Variants in DPP10 observed in about 807,000 individuals in gnomAD.
DPP10 encodes the protein dipeptidyl peptidase like 10.
Under a neutral mutation model 120.9 loss-of-function variants are expected in DPP10, and 33 were observed. The ratio of observed to expected loss-of-function variants is 0.27; its 90% CI spans 0.21 to 0.37. DPP10 has a LOEUF of 0.37. Among genes scored for constraint, DPP10 ranks in the 10% least tolerant of loss-of-function variants. The pLI, the probability that DPP10 is intolerant of heterozygous loss-of-function variation, is 1.00. For missense variants in DPP10, 816 were observed against 942.8 expected (o/e 0.87, Z 1.76); for synonymous variants, 337 against 326.1 (o/e 1.03, Z -0.36).
At chr2:114,621,979 TA>T (rs1694125663) in intron 1 of DPP10, among the ~76,000 whole-genome samples, 1 of 151,846 alleles carries the variant, frequency 6.6e-6, no homozygotes, top group Admixed American at 6.6e-5. Flanking sequence ...ATAAGGAGCT[TA>T]AAAACTAGTA....
At chr2:114,878,394 C>G (rs1359207743) in intron 1 of DPP10, among the ~76,000 whole-genome samples, 3 of 152,080 alleles carry the variant, frequency 2.0e-5, no homozygotes, top group Non-Finnish European at 4.4e-5. Context: ...TTTAGGGTAT[C>G]TATCACCTCA....
At chr2:115,632,455 G>C (rs1377442534) in intron 5 of DPP10, among the ~76,000 whole-genome samples, 2 of 152,100 alleles carry the variant, frequency 1.3e-5, no homozygotes, top group African/African-American at 4.8e-5. Context: ...TTGTTCTTCA[G>C]TGTGTTTTTG....
chr2:114,453,161 T>C (rs1411636490), intron 1 of DPP10, among the ~76,000 whole-genome samples: 3 of 152,044 alleles, frequency 2.0e-5, no homozygotes, highest in Non-Finnish European at 4.4e-5. Flanking sequence ...GCAAAATAGA[T>C]TTTAGAATCT....
intron 1 of DPP10, among the ~76,000 whole-genome samples, chr2:115,142,544 G>T (rs6752466): frequency 0.016 from 2,478 of 152,302 alleles, 34 homozygotes; most frequent in African/African-American, 0.03. Context: ...GTTTCAAAGA[G>T]ATTTACTGCA....
chr2:114,482,333 A>AT (rs1558799983), intron 1 of DPP10, among the ~76,000 whole-genome samples: 1 of 152,148 alleles, frequency 6.6e-6, no homozygotes, highest in Admixed American at 6.6e-5. Context: ...GATTGAATCT[A>AT]TTTTTGCCTA....
chr2:115,259,842 A>G (rs1294409424), intron 1 of DPP10, among the ~76,000 whole-genome samples: 1 of 152,124 alleles, frequency 6.6e-6, no homozygotes, highest in Middle Eastern at 3.2e-3. Context: ...TATATGCTAT[A>G]TAGCATAATT....
chr2:115,494,632 C>G (rs1478328918), intron 3 of DPP10, among the ~76,000 whole-genome samples: 1 of 151,962 alleles, frequency 6.6e-6, no homozygotes, highest in African/African-American at 2.4e-5. Flanking sequence ...TTTAACAAAC[C>G]CTTCCTAGAT....
intron 1 of DPP10, among the ~76,000 whole-genome samples, chr2:115,210,165 C>T (rs1378130629): frequency 1.3e-5 from 2 of 152,134 alleles, no homozygotes; most frequent in Non-Finnish European, 2.9e-5. Flanking sequence ...TGCTATCCCT[C>T]CCTCCTCTCC....
intron 1 of DPP10, among the ~76,000 whole-genome samples, chr2:114,614,237 G>A (rs1347743631): frequency 2.0e-5 from 3 of 152,006 alleles, no homozygotes; most frequent in Non-Finnish European, 4.4e-5. Flanking sequence ...ATTTTTGCAG[G>A]TCTTTCAAAA....
At chr2:115,815,925 A>G (rs1442627568) in intron 21 of DPP10, among the ~76,000 whole-genome samples, 196 bp downstream of exon 21, 1 of 151,588 alleles carries the variant, frequency 6.6e-6, no homozygotes, top group Non-Finnish European at 1.5e-5. Context: ...TGAAATGTAT[A>G]TATATAATAT....
At chr2:114,714,186 GTTT>G (rs1227503494) in intron 1 of DPP10, among the ~76,000 whole-genome samples, 2 of 151,636 alleles carry the variant, frequency 1.3e-5, no homozygotes, top group Non-Finnish European at 2.9e-5. Context: ...ATTCTCGGGA[GTTT>G]CCTAAAGTCA....
chr2:115,343,549 C>G (rs773585828), intron 2 of DPP10, among the ~76,000 whole-genome samples: 9 of 152,032 alleles, frequency 5.9e-5, no homozygotes, highest in Non-Finnish European at 1.0e-4. Flanking sequence ...GAATTCTTAA[C>G]TGCTTTCATA....
chr2:114,695,846 G>A (rs1700037915), intron 1 of DPP10, among the ~76,000 whole-genome samples: 1 of 152,022 alleles, frequency 6.6e-6, no homozygotes, highest in South Asian at 2.1e-4. Context: ...CAAAGAAATT[G>A]TTTAGAGCAT....
intron 1 of DPP10, among the ~76,000 whole-genome samples, chr2:115,028,757 T>C (rs1314330179): frequency 6.6e-6 from 1 of 152,128 alleles, no homozygotes; most frequent in African/African-American, 2.4e-5. Flanking sequence ...GGTGCATAGA[T>C]GTCTATACGA....
intron 5 of DPP10, among the ~76,000 whole-genome samples, chr2:115,588,989 C>T (rs779246912): frequency 2.4e-4 from 36 of 151,810 alleles, no homozygotes; most frequent in Admixed American, 8.5e-4. Flanking sequence ...ACTTGTAAAA[C>T]GAAAAATTGG....
chr2:115,160,160 C>T (rs923340801), intron 1 of DPP10, among the ~76,000 whole-genome samples: 2 of 152,162 alleles, frequency 1.3e-5, no homozygotes, highest in Non-Finnish European at 2.9e-5. Flanking sequence ...TATATATTTG[C>T]TTTATGCTTT....
intron 7 of DPP10, among the ~76,000 whole-genome samples, chr2:115,692,149 T>G (rs1233671372): frequency 2.0e-5 from 3 of 151,926 alleles, no homozygotes; most frequent in Non-Finnish European, 2.9e-5. Flanking sequence ...GGTTTTTTGT[T>G]TTTTGTTTTT....
chr2:114,631,197 T>C (rs1694895418), intron 1 of DPP10, among the ~76,000 whole-genome samples: 1 of 152,140 alleles, frequency 6.6e-6, no homozygotes, highest in Admixed American at 6.6e-5. Flanking sequence ...CTGTGTTGAA[T>C]GCCTACGGCT....
intron 7 of DPP10, among the ~76,000 whole-genome samples, chr2:115,714,447 A>C (rs1216383209): frequency 1.3e-5 from 2 of 152,198 alleles, no homozygotes; most frequent in African/African-American, 4.8e-5. Context: ...TGTACTAGCC[A>C]GTTTTTAGGT....
Sources: allele counts gnomAD v4.1 joint callset (sites outside exome capture counted in the v4.1 genomes callset), GRCh38; gene constraint gnomAD v4.1.1; transcripts MANE v1.5; gene names NCBI Gene and HGNC (gene_info 2026-07-23, HGNC 2026-07-21).